The following ARHGAP10 variants were observed in gnomAD, a reference collection of about 807,000 sequenced individuals.
ARHGAP10 encodes rho GTPase-activating protein 10.
Under a neutral mutation model 108.6 loss-of-function variants are expected in ARHGAP10, and 87 were observed. The observed-to-expected ratio is 0.80, with a 90% CI of 0.67 to 0.96. The LOEUF (loss-of-function observed/expected upper bound fraction) is 0.96. ARHGAP10 is among the 40% of genes least tolerant of loss of function. ARHGAP10 has a pLI of 0.00. For missense variants in ARHGAP10, 939 were observed against 954.5 expected (o/e 0.98, Z 0.21); for synonymous variants, 347 against 341.1 (o/e 1.02, Z -0.19).
At position 147,857,534 on chromosome 4, in the gene ARHGAP10, G is replaced by GTTTT; in HGVS notation, c.385-12_385-9dup. ...ATCCTTTTGTTTCTGTTTAATCATA[G>GTTTT]TTTTTTTTTTATTTGTAGGAAGAAA... is the stretch of plus-strand genomic sequence containing the variant. On this transcript the variant is annotated intron_variant, in intron 4 of 22. Transcript: ENST00000336498. 12 of 1,159,912 alleles carry GTTTT rather than the reference G, an allele frequency of 1.0e-5. No homozygotes were observed. The highest frequency in any genetic ancestry group is 3.4e-5 in the Admixed American group (1 of 29,722). The allele number at this position is 1,159,912 out of a possible 1,614,324, so 71.9% of individuals were successfully genotyped here.
At chr4:147,937,437 A>G (rs1038305405) in intron 13 of ARHGAP10, among the ~76,000 whole-genome samples, 1 of 152,230 alleles carries the variant, frequency 6.6e-6, no homozygotes, top group East Asian at 1.9e-4. Context: ...AGTACTGAGG[A>G]TTAGGACGTC....
chr4:148,048,750 T>C (rs1298889771), intron 20 of ARHGAP10, among the ~76,000 whole-genome samples: 1 of 152,154 alleles, frequency 6.6e-6, no homozygotes, highest in Admixed American at 6.5e-5. Context: ...AAACTGACAT[T>C]ATGAGCCACG....
At chr4:147,766,827 TATATATATA>T (rs1560747004) in intron 1 of ARHGAP10, among the ~76,000 whole-genome samples, 11 of 115,928 alleles carry the variant, frequency 9.5e-5, no homozygotes, top group African/African-American at 3.5e-4. Context: ...TATATATATA[TATATATATA>T]TATTTATTTA....
intron 1 of ARHGAP10, among the ~76,000 whole-genome samples, chr4:147,732,962 A>G (rs1053548719): frequency 1.3e-5 from 2 of 151,910 alleles, no homozygotes; most frequent in Non-Finnish European, 2.9e-5. Flanking sequence ...TTTCCCTCTC[A>G]TTGTCTGATC....
At chr4:147,961,581 C>T (rs1001631766) in intron 16 of ARHGAP10, among the ~76,000 whole-genome samples, 2 of 152,016 alleles carry the variant, frequency 1.3e-5, no homozygotes, top group African/African-American at 2.4e-5. Context: ...AATAAATGCC[C>T]CTTTCTTGAT....
intron 18 of ARHGAP10, among the ~76,000 whole-genome samples, chr4:147,980,696 T>G (rs1303130045): frequency 2.6e-5 from 4 of 152,208 alleles, no homozygotes; most frequent in Admixed American, 2.6e-4. Context: ...TTTTTTAAAT[T>G]ACTGATTCAG....
intron 13 of ARHGAP10, among the ~76,000 whole-genome samples, chr4:147,919,665 G>A (rs566945716): frequency 5.2e-4 from 79 of 151,896 alleles, no homozygotes; most frequent in Admixed American, 3.4e-3. Context: ...CTCCGTCTCC[G>A]CCTCCCGGGT....
At chr4:147,911,147 A>C (rs1736713948) in intron 12 of ARHGAP10, among the ~76,000 whole-genome samples, 1 of 152,120 alleles carries the variant, frequency 6.6e-6, no homozygotes, top group African/African-American at 2.4e-5. Context: ...AAGCAGAAAT[A>C]AATACTTCCA....
chr4:147,762,862 T>G (rs2126707666), intron 1 of ARHGAP10, among the ~76,000 whole-genome samples: 1 of 152,044 alleles, frequency 6.6e-6, no homozygotes, highest in East Asian at 1.9e-4. Context: ...CTAAGTGGAC[T>G]GTGATGGGGA....
At chr4:147,993,301 A>G (rs546627488) in intron 18 of ARHGAP10, among the ~76,000 whole-genome samples, 2 of 152,340 alleles carry the variant, frequency 1.3e-5, no homozygotes, top group South Asian at 4.1e-4. Flanking sequence ...AAGGGTGGGA[A>G]TATAGATGAA....
At chr4:147,844,656 A>G (rs1294447385) in intron 3 of ARHGAP10, among the ~76,000 whole-genome samples, 1 of 152,138 alleles carries the variant, frequency 6.6e-6, no homozygotes, top group African/African-American at 2.4e-5. Context: ...TCTGGGAGGG[A>G]TCCTGGAAAT....
chr4:147,839,122 A>G (rs143169819), intron 3 of ARHGAP10, among the ~76,000 whole-genome samples: 2,608 of 148,192 alleles, frequency 0.018, 80 homozygotes, highest in African/African-American at 0.06. Context: ...CTATCTATCT[A>G]TCTATCTATC....
At chr4:147,852,425 C>T (rs576547150) in intron 4 of ARHGAP10, among the ~76,000 whole-genome samples, 57 of 152,214 alleles carry the variant, frequency 3.7e-4, no homozygotes, top group African/African-American at 1.3e-3. Context: ...GAATTCTCAT[C>T]TCTTTAGAGA....
chr4:147,938,725 T>C (rs565576512), intron 13 of ARHGAP10, among the ~76,000 whole-genome samples: 36 of 152,322 alleles, frequency 2.4e-4, no homozygotes, highest in Non-Finnish European at 4.1e-4. Context: ...TGTTGTGTTA[T>C]TCTGTTTTGG....
At chr4:147,800,788 C>A (rs1731548871) in intron 1 of ARHGAP10, among the ~76,000 whole-genome samples, 1 of 152,134 alleles carries the variant, frequency 6.6e-6, no homozygotes, top group Non-Finnish European at 1.5e-5. Flanking sequence ...TCTATGCTGT[C>A]TTGTGCCTTG....
chr4:147,837,250 A>T (rs1002400024), intron 3 of ARHGAP10, among the ~76,000 whole-genome samples: 3 of 152,108 alleles, frequency 2.0e-5, no homozygotes, highest in African/African-American at 7.2e-5. Flanking sequence ...ATTGATAATG[A>T]ATTGGTTTAA....
intron 1 of ARHGAP10, among the ~76,000 whole-genome samples, chr4:147,762,013 A>T (rs28648970): frequency 5.3e-5 from 8 of 151,792 alleles, no homozygotes; most frequent in Non-Finnish European, 8.8e-5. Flanking sequence ...CTCTTTTTTT[A>T]TTTTTATTTT....
intron 3 of ARHGAP10, among the ~76,000 whole-genome samples, chr4:147,825,906 CAA>C (rs986510500): frequency 5.5e-4 from 84 of 152,222 alleles, no homozygotes; most frequent in African/African-American, 2.0e-3. Context: ...GCAAAGAAAG[CAA>C]AAGTCTCTGC....
chr4:148,071,845 A>G (rs939922463), intron 22 of ARHGAP10, 148 bp from the exon 23 acceptor site: 21 of 633,364 alleles, frequency 3.3e-5, no homozygotes, highest in African/African-American at 2.8e-4. Flanking sequence ...GAGCCTGTCA[A>G]TGACCCTGGT....
Sources: gnomAD v4.1 joint callset for allele counts (sites outside exome capture counted in the v4.1 genomes callset) on GRCh38, gnomAD v4.1.1 for gene constraint, MANE v1.5 for transcripts, NCBI Gene and HGNC (gene_info 2026-07-23, HGNC 2026-07-21) for gene names.